The following BIRC2 variants were observed in gnomAD, a reference collection of about 807,000 sequenced individuals.
BIRC2 encodes baculoviral IAP repeat containing 2, also known as baculoviral IAP repeat-containing protein 2.
In BIRC2, 18 loss-of-function variants were observed where a neutral mutation model predicts 60.9. That is an observed-to-expected ratio of 0.30 (90% CI 0.20 to 0.44). BIRC2 has a LOEUF of 0.44. Among genes scored for constraint, BIRC2 ranks in the 20% least tolerant of loss-of-function variants. BIRC2 has a pLI of 1.00. For synonymous variants in BIRC2, 282 were observed against 247.7 expected (o/e 1.14, Z -1.30); for missense variants, 701 against 728.5 (o/e 0.96, Z 0.43).
intron 3 of BIRC2, among the ~76,000 whole-genome samples, chr11:102,360,791 T>C (rs1012800937): frequency 6.6e-6 from 1 of 151,406 alleles, no homozygotes; most frequent in African/African-American, 2.4e-5. Context: ...TTTGTTTTTT[T>C]TTTTGTGGGC....
chr11:102,357,421 T>A (rs534283681), intron 3 of BIRC2, among the ~76,000 whole-genome samples: 5 of 152,228 alleles, frequency 3.3e-5, no homozygotes, highest in Admixed American at 2.0e-4. Flanking sequence ...CATCTGTTCC[T>A]GGGCTTTTTC....
intron 3 of BIRC2, among the ~76,000 whole-genome samples, chr11:102,357,497 T>C (rs992843347): frequency 9.2e-5 from 14 of 152,188 alleles, no homozygotes; most frequent in African/African-American, 2.9e-4. Context: ...TCAGATCTTC[T>C]ATTTCTTCTT....
chr11:102,377,543 T>C lies in BIRC2; in HGVS notation c.1414T>C (p.Leu472=). The C allele has an allele frequency of 6.2e-7, 1 of 1,606,222 alleles. No homozygotes were observed. The highest frequency in any genetic ancestry group is 8.5e-7 in the Non-Finnish European group (1 of 1,177,924). The change falls in exon 7 of 9, where the codon TTG becomes CTG. Residue 472 remains leucine (L), a synonymous_variant. Transcript: ENST00000227758. ...RKNRMALFQQ[L]TCVLPILDNL... Reference sequence around the variant, plus strand: ...GAACAGAATGGCTCTCTTTCAACAATTGACATGTGTGCTTCCTATCCTGGA... The same window carrying C: ...GAACAGAATGGCTCTCTTTCAACAACTGACATGTGTGCTTCCTATCCTGGA...
chr11:102,361,242 G>T (rs1268966220), intron 3 of BIRC2, among the ~76,000 whole-genome samples: 2 of 152,218 alleles, frequency 1.3e-5, no homozygotes, highest in Non-Finnish European at 2.9e-5. Context: ...GCCTGCAGCA[G>T]TGGTGCTTCT....
At chr11:102,354,290 A>G (rs998512315) in intron 3 of BIRC2, among the ~76,000 whole-genome samples, 3 of 152,130 alleles carry the variant, frequency 2.0e-5, no homozygotes, top group East Asian at 1.9e-4. Flanking sequence ...GCTCACTGCA[A>G]TCTCCACCTC....
intron 3 of BIRC2, among the ~76,000 whole-genome samples, chr11:102,360,784 G>GT (rs200030086): frequency 3.0e-3 from 393 of 129,178 alleles, no homozygotes; most frequent in South Asian, 0.011. Context: ...TGTTTTTTTT[G>GT]TTTTTTTTTT....
Position 102,368,536 on chromosome 11 carries a change from G to T in BIRC2, c.1354G>T (p.Glu452Ter). The change falls in exon 6 of 9, where the codon GAA (glutamate) becomes TAA (stop). Residue 452 changes from glutamate to a stop codon, truncating the protein, a stop_gained. Coordinates refer to ENST00000227758, the MANE Select transcript of BIRC2 (RefSeq NM_001166.5). LOFTEE classifies it high-confidence loss of function. ...AGAGGAGAAGGAAAAACAAGCTGAA[G>T]AAATGGCATCAGGTATTTGGGGATG... is the stretch of plus-strand genomic sequence containing the variant. ...REEEKEKQAE[E>*]MASDDLSLIR... The T allele has an allele frequency of 6.2e-7, 1 of 1,613,184 alleles. No individual in the cohort carries two copies. Among genetic ancestry groups the T allele is most frequent in the East Asian group, 2.2e-5 (1 of 44,814 alleles).
chr11:102,368,908 T>TGCAGGTTGATGCAG (rs549665106), intron 6 of BIRC2, among the ~76,000 whole-genome samples: 111 of 151,978 alleles, frequency 7.3e-4, no homozygotes, highest in African/African-American at 2.6e-3. Flanking sequence ...TTTTTCAACC[T>TGCAGGTTGATGCAG]GTTTTTTTTT....
At position 102,374,312 on chromosome 11, in the gene BIRC2, G is replaced by A. The variant is rs191941735; in HGVS notation, c.1367-3184G>A. Among the ~76,000 whole-genome samples, 208 of 150,538 alleles carry A rather than the reference G, an allele frequency of 1.4e-3. 2 individuals are homozygous for A. The highest frequency in any genetic ancestry group is 1.6e-3 in the Non-Finnish European group (109 of 67,442). ...ATCTTTGTGGTTTTATCTATTTTTG[G>A]TCTTTGATGATGGTGATGTACAGAT... On this transcript the variant is annotated intron_variant, in intron 6 of 8. Coordinates refer to ENST00000227758, the MANE Select transcript of BIRC2 (RefSeq NM_001166.5).
chr11:102,356,142 G>A (rs1951417123), intron 3 of BIRC2, among the ~76,000 whole-genome samples: 1 of 151,430 alleles, frequency 6.6e-6, no homozygotes, highest in Non-Finnish European at 1.5e-5. Context: ...GAATAGACGT[G>A]GCAAGAGTAA....
At chr11:102,355,982 T>C (rs889646162) in intron 3 of BIRC2, among the ~76,000 whole-genome samples, 4 of 152,140 alleles carry the variant, frequency 2.6e-5, no homozygotes, top group Non-Finnish European at 4.4e-5. Flanking sequence ...TTTATTAGTT[T>C]TAACTGTTTT....
At chr11:102,355,940 A>G (rs1951414813) in intron 3 of BIRC2, among the ~76,000 whole-genome samples, 1 of 151,872 alleles carries the variant, frequency 6.6e-6, no homozygotes. Flanking sequence ...GACTTTTGTA[A>G]GTTGGTTTTG....
At position 102,349,753 on chromosome 11, in the gene BIRC2, A is replaced by G. The variant is rs540430890; in HGVS notation, c.-102A>G. On this transcript the variant is annotated 5_prime_UTR_variant, in exon 2 of 9. Coordinates refer to ENST00000227758, the MANE Select transcript of BIRC2 (RefSeq NM_001166.5). Reference sequence around the variant, plus strand: ...GTAAAGAAAGTGTAGTAAATTCTACATAAGAGTCTATCATTGATTTCTTTT... The same window carrying G: ...GTAAAGAAAGTGTAGTAAATTCTACGTAAGAGTCTATCATTGATTTCTTTT... The G allele has an allele frequency of 3.3e-4, 401 of 1,210,852 alleles. 1 individual carries two copies. The highest frequency in any genetic ancestry group is 4.3e-4 in the Non-Finnish European group (370 of 863,198). The allele number at this position is 1,210,852 out of a possible 1,614,324, so 75.0% of individuals were successfully genotyped here.
At chr11:102,365,725 C>T (rs1951545419) in intron 5 of BIRC2, among the ~76,000 whole-genome samples, 1 of 150,890 alleles carries the variant, frequency 6.6e-6, no homozygotes, top group African/African-American at 2.5e-5. Flanking sequence ...TACAGGCATG[C>T]ACCATCACAT....
At position 102,377,768 on chromosome 11, in the gene BIRC2, A is replaced by C. The variant is rs774347886; in HGVS notation, c.1621+18A>C. 1.3e-6 allele frequency: 2 copies of C among 1,592,910 alleles called. No individual in the cohort carries two copies. Among genetic ancestry groups the C allele is most frequent in the South Asian group, 2.3e-5 (2 of 86,226 alleles). ...CTTATTTGGTGAGTTTGTTGGGAAA[A>C]TTATTTTAGAAATTCTTAGGACTGG... On this transcript the variant is annotated intron_variant, in intron 7 of 8. Coordinates refer to ENST00000227758, the MANE Select transcript of BIRC2 (RefSeq NM_001166.5).
At chr11:102,367,172 T>C (rs904287669) in intron 5 of BIRC2, among the ~76,000 whole-genome samples, 2 of 152,266 alleles carry the variant, frequency 1.3e-5, no homozygotes, top group African/African-American at 4.8e-5. Context: ...TAACTTCTAA[T>C]ACCCAGAGCT....
At chr11:102,358,741 TAC>T (rs1242847862) in intron 3 of BIRC2, among the ~76,000 whole-genome samples, 1 of 152,230 alleles carries the variant, frequency 6.6e-6, no homozygotes, top group African/African-American at 2.4e-5. Context: ...TGACTCTTTT[TAC>T]AGTTTTTGAT....
rs1044088254 is a variant in BIRC2 at position 102,377,952 on chromosome 11, G to A, written c.1664-38G>A. 3.1e-6 allele frequency: 5 copies of A among 1,596,024 alleles called. No individual in the cohort carries two copies. The South Asian group carries it at 4.6e-5, about 15-fold the overall frequency. ...ACTATTACCCTTTTTTTTTAATGAA[G>A]TGGAAACAATTTCACTAAAGTTATT... On this transcript the variant is annotated intron_variant, in intron 8 of 8. Coordinates refer to ENST00000227758, the MANE Select transcript of BIRC2 (RefSeq NM_001166.5).
At chr11:102,374,671 C>G (rs1281356754) in intron 6 of BIRC2, among the ~76,000 whole-genome samples, 3 of 152,124 alleles carry the variant, frequency 2.0e-5, no homozygotes, top group Non-Finnish European at 4.4e-5. Context: ...GCAGGCAGGC[C>G]TCCTTGAGCT....
Sources: allele counts gnomAD v4.1 joint callset (sites outside exome capture counted in the v4.1 genomes callset), GRCh38; gene constraint gnomAD v4.1.1; transcripts MANE v1.5; gene names NCBI Gene and HGNC (gene_info 2026-07-23, HGNC 2026-07-21).